The following SRPK2 variants were observed in gnomAD, a reference collection of about 807,000 sequenced individuals.
The protein encoded by SRPK2 is SFRS protein kinase 2.
A neutral mutation model predicts 90.8 loss-of-function variants in SRPK2; 21 were observed. The observed-to-expected ratio is 0.23, with a 90% CI of 0.16 to 0.33. The LOEUF is 0.33. Among genes scored for constraint, SRPK2 ranks in the 10% least tolerant of loss-of-function variants. The pLI, the probability that SRPK2 is intolerant of heterozygous loss-of-function variation, is 1.00. For missense variants in SRPK2, 620 were observed against 869.0 expected (o/e 0.71, Z 3.60); for synonymous variants, 288 against 311.1 (o/e 0.93, Z 0.78).
intron 11 of SRPK2, among the ~76,000 whole-genome samples, chr7:105,136,424 A>C (rs75041207): frequency 0.018 from 2,737 of 152,310 alleles, 85 homozygotes; most frequent in African/African-American, 0.063. Flanking sequence ...CTTACAGATA[A>C]TGGTGACACA....
chr7:105,391,412 T>C (rs907234385), upstream of SRPK2, among the ~76,000 whole-genome samples: 1 of 152,052 alleles, frequency 6.6e-6, no homozygotes, highest in African/African-American at 2.4e-5. Flanking sequence ...TCCATGTTGG[T>C]CAGGATGGTA....
intron 2 of SRPK2, among the ~76,000 whole-genome samples, chr7:105,297,961 C>T (rs918185640): frequency 1.1e-4 from 17 of 152,144 alleles, no homozygotes; most frequent in Non-Finnish European, 2.5e-4. Flanking sequence ...AAGCTGGTCT[C>T]GAACTCCTGA....
rs75332770 is a variant in SRPK2 at position 105,189,959 on chromosome 7, A to G, written c.229+13669T>C. On this transcript the variant is annotated intron_variant, in intron 3 of 15. Coordinates refer to ENST00000393651, the MANE Select transcript of SRPK2 (RefSeq NM_182692.3). ...GTGATGGCATGGGGCTGTTGCAGAC[A>G]TATGAACTGGTCTCTCACCACTGCC... The G allele has an allele frequency of 3.1e-3, 477 of 152,702 alleles. 15 individuals carry two copies. In the East Asian group the frequency reaches 0.063, roughly 20 times the overall value. The allele number at this position is 152,702 out of a possible 1,614,324, so 9.5% of individuals were successfully genotyped here.
chr7:105,187,948 A>G (rs1047558040), intron 3 of SRPK2, among the ~76,000 whole-genome samples: 1 of 152,244 alleles, frequency 6.6e-6, no homozygotes, highest in Non-Finnish European at 1.5e-5. Context: ...GTGGGAATAT[A>G]CAGTGACACA....
intron 2 of SRPK2, among the ~76,000 whole-genome samples, chr7:105,362,795 C>T (rs1585892813): frequency 6.6e-6 from 1 of 152,218 alleles, no homozygotes; most frequent in East Asian, 1.9e-4. Flanking sequence ...TGGAACCAAC[C>T]CAAATGTCCA....
chr7:105,266,354 T>C (rs896358556), intron 2 of SRPK2, among the ~76,000 whole-genome samples: 17 of 152,204 alleles, frequency 1.1e-4, no homozygotes, highest in Non-Finnish European at 1.8e-4. Context: ...AGATGAAAAA[T>C]TACTAGAAAT....
intron 2 of SRPK2, among the ~76,000 whole-genome samples, chr7:105,317,525 A>G (rs1812440854): frequency 6.6e-6 from 1 of 152,188 alleles, no homozygotes; most frequent in African/African-American, 2.4e-5. Flanking sequence ...AAATTTGGGA[A>G]CCTGACAGAC....
chr7:105,313,580 T>C (rs1314048986), intron 2 of SRPK2, among the ~76,000 whole-genome samples: 2 of 151,766 alleles, frequency 1.3e-5, no homozygotes, highest in Non-Finnish European at 2.9e-5. Context: ...TGAAACCCCA[T>C]CTCTACTAAA....
At chr7:105,281,786 T>C (rs938741202) in intron 2 of SRPK2, among the ~76,000 whole-genome samples, 4 of 152,024 alleles carry the variant, frequency 2.6e-5, no homozygotes, top group East Asian at 3.9e-4. Flanking sequence ...CTGAAAACTA[T>C]AGAACACTGT....
chr7:105,360,199 C>T (rs752462394), intron 2 of SRPK2, among the ~76,000 whole-genome samples: 2 of 151,898 alleles, frequency 1.3e-5, no homozygotes, highest in South Asian at 2.1e-4. Flanking sequence ...ACTAGGATCT[C>T]GACCCCTGCT....
chr7:105,339,343 A>G (rs1477915193), intron 2 of SRPK2, among the ~76,000 whole-genome samples: 2 of 152,194 alleles, frequency 1.3e-5, no homozygotes, highest in South Asian at 4.1e-4. Flanking sequence ...GTTTATTTCA[A>G]TCACCTCATT....
At chr7:105,204,075 C>G (rs1795900856) in intron 2 of SRPK2, among the ~76,000 whole-genome samples, 2 of 152,124 alleles carry the variant, frequency 1.3e-5, no homozygotes, top group African/African-American at 4.8e-5. Context: ...TCAGTGCGCT[C>G]CACTCAACTC....
intron 2 of SRPK2, among the ~76,000 whole-genome samples, chr7:105,370,904 C>T (rs556319346): frequency 3.3e-5 from 5 of 152,130 alleles, no homozygotes; most frequent in African/African-American, 4.8e-5. Context: ...GCATGATCTA[C>T]TGCGCCCGGC....
chr7:105,125,913 G>A (rs774124959), intron 15 of SRPK2: 88 of 1,108,418 alleles, frequency 7.9e-5, no homozygotes, highest in Non-Finnish European at 9.1e-5. Context: ...AGAAACACAC[G>A]ACAGTTTAAT....
At chr7:105,262,133 G>T (rs977145295) in intron 2 of SRPK2, among the ~76,000 whole-genome samples, 8 of 152,152 alleles carry the variant, frequency 5.3e-5, no homozygotes, top group Non-Finnish European at 1.0e-4. Flanking sequence ...CAACCCTCCA[G>T]AGAAGCATCA....
chr7:105,394,836 A>G (rs528387961), intron 1 of SRPK2, among the ~76,000 whole-genome samples: 1 of 152,334 alleles, frequency 6.6e-6, no homozygotes, highest in Admixed American at 6.5e-5. Flanking sequence ...TATGTGAAAT[A>G]TATATTATGT....
intron 2 of SRPK2, among the ~76,000 whole-genome samples, chr7:105,343,333 C>A (rs556554055): frequency 6.6e-4 from 100 of 152,236 alleles, no homozygotes; most frequent in Non-Finnish European, 1.2e-3. Context: ...ATACAGGAAG[C>A]TGAGGTGGGG....
At chr7:105,211,798 A>T (rs1796897569) in intron 2 of SRPK2, among the ~76,000 whole-genome samples, 1 of 152,218 alleles carries the variant, frequency 6.6e-6, no homozygotes, top group South Asian at 2.1e-4. Context: ...CAAGCCAAAT[A>T]CTACTTACTT....
At chr7:105,329,331 A>G (rs186966176) in intron 2 of SRPK2, among the ~76,000 whole-genome samples, 4 of 152,304 alleles carry the variant, frequency 2.6e-5, no homozygotes, top group African/African-American at 9.6e-5. Context: ...AGAGGAAGAG[A>G]AGAGTGGGTA....
Sources: gnomAD v4.1 joint callset for allele counts (sites outside exome capture counted in the v4.1 genomes callset) on GRCh38, gnomAD v4.1.1 for gene constraint, MANE v1.5 for transcripts, NCBI Gene and HGNC (gene_info 2026-07-23, HGNC 2026-07-21) for gene names.